Variants in SDK2 observed in about 807,000 individuals in gnomAD.
SDK2 encodes the protein sidekick cell adhesion molecule 2.
SDK2 carries 105 observed loss-of-function variants against 253.9 expected under a neutral mutation model. The observed-to-expected ratio is 0.41, with a 90% CI of 0.35 to 0.49. The LOEUF is 0.49. Among genes scored for constraint, SDK2 ranks in the 20% least tolerant of loss-of-function variants. SDK2 has a pLI of 0.06. For missense variants in SDK2, 2,608 were observed against 3,003.0 expected, an observed-to-expected ratio of 0.87 and a Z score of 3.07; for synonymous variants, 1,249 against 1,234.9, an observed-to-expected ratio of 1.01 and a Z score of -0.24.
At chr17:73,441,134 C>G (rs901089139) in intron 5 of SDK2, among the ~76,000 whole-genome samples, 1 of 152,092 alleles carries the variant, frequency 6.6e-6, no homozygotes, top group African/African-American at 2.4e-5. Context: ...CACCAGGGTC[C>G]AAGGAGAGAC....
intron 40 of SDK2, among the ~76,000 whole-genome samples, chr17:73,356,265 T>C (rs1276287567): frequency 3.3e-5 from 5 of 152,106 alleles, no homozygotes; most frequent in African/African-American, 1.2e-4. Context: ...GAAGCTGGGA[T>C]CTCCTGCCTG....
At chr17:73,367,151 G>A (rs2062692143) in intron 37 of SDK2, among the ~76,000 whole-genome samples, 1 of 151,960 alleles carries the variant, frequency 6.6e-6, no homozygotes, top group Admixed American at 6.6e-5. Context: ...TTGGAGAAGG[G>A]TGCACCACCA....
Position 73,395,246 on chromosome 17 carries a change from C to T in SDK2, c.3501G>A (p.Glu1167=), listed in dbSNP as rs1450588956. 1.9e-6 allele frequency: 3 copies of T among 1,613,760 alleles called. No individual in the cohort carries two copies. Among genetic ancestry groups the T allele is most frequent in the South Asian group, 2.2e-5 (2 of 91,046 alleles). ...GGACCTGGACGCGGTACTCTGTCCA[C>T]TCCTCCAGGTCCTCGATGGTGTAGT... The part of the protein sequence containing the change: ...ERDYTIEDLE[E]WTEYRVQVQA... Residue 1167 remains glutamate (E), a synonymous_variant, in exon 25 of 45, where the codon GAG becomes GAA. Transcript: ENST00000392650. The surrounding 1 kb of genome is among the most constrained non-coding windows in gnomAD (Gnocchi z 4.3).
At chr17:73,445,697 T>TTGGC (rs894984096) in intron 5 of SDK2, among the ~76,000 whole-genome samples, 1 of 141,894 alleles carries the variant, frequency 7.0e-6, no homozygotes, top group Non-Finnish European at 1.6e-5. Context: ...CACAAATTGG[T>TTGGC]TGGCAGGCAG....
rs16977634 is a variant in SDK2, at chr17:73,419,399, C to A, written c.2046-93G>T. 0.014 allele frequency: 19,899 copies of A among 1,403,958 alleles called. 2,021 individuals carry two copies. In the African/African-American group the frequency reaches 0.23, roughly 16 times the overall value. The allele number at this position is 1,403,958 out of a possible 1,614,324, so 87.0% of individuals were successfully genotyped here. The stretch of plus-strand genomic sequence containing the variant: ...GGCTGAACCCTGGCCTGCTCTGACT[C>A]TGGATAATTCGGTACAACTGCTGTG... On this transcript the variant is annotated intron_variant, in intron 15 of 44. Coordinates refer to ENST00000392650, the MANE Select transcript of SDK2 (RefSeq NM_001144952.2).
At chr17:73,545,097 A>ATG (rs1567834232) in intron 1 of SDK2, among the ~76,000 whole-genome samples, 1 of 132,540 alleles carries the variant, frequency 7.5e-6, no homozygotes, top group African/African-American at 3.2e-5. Context: ...GTGCACGTGC[A>ATG]CGCACACACA....
intron 2 of SDK2, among the ~76,000 whole-genome samples, chr17:73,491,333 G>A (rs962724051): frequency 2.7e-5 from 4 of 150,460 alleles, no homozygotes; most frequent in African/African-American, 7.3e-5. Flanking sequence ...GGAGCCTTAC[G>A]CCCCAGAGCC....
chr17:73,608,880 C>CA (rs1477131319), intron 1 of SDK2, among the ~76,000 whole-genome samples: 16 of 152,190 alleles, frequency 1.1e-4, no homozygotes, highest in Non-Finnish European at 1.3e-4. Flanking sequence ...ACTGCAGTGG[C>CA]TCAGGACAAA....
In SDK2 at chr17:73,618,620, C is replaced by T. The variant is rs1054998928; in HGVS notation, c.64+25405G>A. Among the ~76,000 whole-genome samples the T allele has an allele frequency of 2.0e-5, 3 of 152,176 alleles. No homozygotes were observed. Among genetic ancestry groups the T allele is most frequent in the Non-Finnish European group, 4.4e-5 (3 of 68,028 alleles). ...GTTTCCCTTTGGAATCTAGAGTCCA[C>T]GTGGTGCCCAAGAACGGCATGGGGG... is the stretch of plus-strand genomic sequence containing the variant. On this transcript the variant is annotated intron_variant, in intron 1 of 44. Transcript: ENST00000392650. This position sits in a 1 kb window ranked among gnomAD's most constrained non-coding sequence, Gnocchi z 4.1.
At chr17:73,524,792 T>A (rs2064112310) in intron 1 of SDK2, among the ~76,000 whole-genome samples, 2 of 152,202 alleles carry the variant, frequency 1.3e-5, no homozygotes, top group Non-Finnish European at 2.9e-5. Flanking sequence ...TGCCAAGCTG[T>A]CTATCTCCAA....
At chr17:73,579,402 C>T (rs1175666048) in intron 1 of SDK2, among the ~76,000 whole-genome samples, 2 of 152,158 alleles carry the variant, frequency 1.3e-5, no homozygotes, top group Non-Finnish European at 2.9e-5. Context: ...ATCACACAGC[C>T]CTTTGGCAGC....
At chr17:73,463,839 C>G (rs1226063167) in intron 3 of SDK2, among the ~76,000 whole-genome samples, 2 of 152,142 alleles carry the variant, frequency 1.3e-5, no homozygotes, top group Non-Finnish European at 2.9e-5. Context: ...CAAGAGCAGC[C>G]TCACACATGG....
At chr17:73,341,079 CTCTT>C (rs2062433071) in intron 44 of SDK2, among the ~76,000 whole-genome samples, 1 of 146,638 alleles carries the variant, frequency 6.8e-6, no homozygotes, top group Non-Finnish European at 1.5e-5. Flanking sequence ...ACAGGGGTCT[CTCTT>C]TGTTGCCTAG....
chr17:73,588,688 C>T (rs988565672), intron 1 of SDK2, among the ~76,000 whole-genome samples: 1 of 151,648 alleles, frequency 6.6e-6, no homozygotes, highest in Non-Finnish European at 1.5e-5. Context: ...GGACAGCCTC[C>T]TGCGGTGCTC....
Position 73,511,051 on chromosome 17 carries a change from C to A in SDK2, c.65-3454G>T, listed in dbSNP as rs1175627222. Among the ~76,000 whole-genome samples the A allele has an allele frequency of 6.6e-6, 1 of 152,172 alleles. No individual in the cohort carries two copies. The highest frequency in any genetic ancestry group is 1.5e-5 in the Non-Finnish European group (1 of 68,018). ...CACCCATTTGCCAAGGAAAAGGACC[C>A]ACTGCCCGCCGCCCGGCTGGCAGCA... On this transcript the variant is annotated intron_variant, in intron 1 of 44. Transcript: ENST00000392650. The surrounding 1 kb of genome is among the most constrained non-coding windows in gnomAD (Gnocchi z 4.9).
At chr17:73,410,405 C>CT (rs1301249447) in intron 18 of SDK2, among the ~76,000 whole-genome samples, 2 of 152,196 alleles carry the variant, frequency 1.3e-5, no homozygotes, top group Non-Finnish European at 2.9e-5. Context: ...TGTCCGCCTC[C>CT]TGGGTTCAAG....
At chr17:73,439,135 C>G (rs751852165) in intron 6 of SDK2, among the ~76,000 whole-genome samples, 4 of 152,064 alleles carry the variant, frequency 2.6e-5, no homozygotes, top group African/African-American at 9.7e-5. Context: ...TTTAAAGGAG[C>G]CTAGCTCCTC....
At chr17:73,378,162 C>T (rs1599500519) in intron 36 of SDK2, among the ~76,000 whole-genome samples, 1 of 116,744 alleles carries the variant, frequency 8.6e-6, no homozygotes, top group East Asian at 4.0e-4. Flanking sequence ...TGCAATGGCT[C>T]CACATGGCCT....
chr17:73,576,350 G>A (rs545086050), intron 1 of SDK2, among the ~76,000 whole-genome samples: 89 of 151,958 alleles, frequency 5.9e-4, no homozygotes, highest in South Asian at 1.9e-3. Context: ...AATGGGAAGC[G>A]CGTCCCAAGG....
Sources: gnomAD v4.1 joint callset for allele counts (sites outside exome capture counted in the v4.1 genomes callset) on GRCh38, gnomAD v4.1.1 for gene constraint, Gnocchi (gnomAD v3.1) non-coding constraint, MANE v1.5 for transcripts, NCBI Gene and HGNC (gene_info 2026-07-23, HGNC 2026-07-21) for gene names.